Variants in SH3RF3 observed in about 807,000 individuals in gnomAD.
SH3RF3 encodes the protein E3 ubiquitin-protein ligase SH3RF3.
A neutral mutation model predicts 66.3 loss-of-function variants in SH3RF3; 29 were observed. The ratio of observed to expected loss-of-function variants is 0.44; its 90% CI spans 0.33 to 0.60. The LOEUF (loss-of-function observed/expected upper bound fraction) is 0.60. Ranked by LOEUF, SH3RF3 falls within the 20% of genes least tolerant of loss-of-function variation. The pLI, the probability that SH3RF3 is intolerant of heterozygous loss-of-function variation, is 0.04. For missense variants in SH3RF3, 1,194 were observed against 1,190.9 expected (o/e 1.00, Z -0.04); for synonymous variants, 583 against 532.0 (o/e 1.10, Z -1.32).
chr2:109,236,345 A>T (rs1460993792), intron 1 of SH3RF3, among the ~76,000 whole-genome samples: 1 of 152,116 alleles, frequency 6.6e-6, no homozygotes. Flanking sequence ...GTGCCTCCAG[A>T]GTGTGCGAGC....
Position 109,230,214 on chromosome 2 carries a change from C to T in SH3RF3, c.573+100101C>T, listed in dbSNP as rs115426719. On this transcript the variant is annotated intron_variant, in intron 1 of 9. Transcript: ENST00000309415. The stretch of plus-strand genomic sequence containing the variant: ...CCATTCAAATACGGACATTCCTCAA[C>T]TTGGGATGGTTTGACTTTAGAGTTT... Among the ~76,000 whole-genome samples the T allele has an allele frequency of 1.0e-2, 1,520 of 152,016 alleles. 11 individuals carry two copies. Among genetic ancestry groups the T allele is most frequent in the South Asian group, 0.024 (116 of 4,798 alleles).
Position 109,447,615 on chromosome 2 carries a change from G to C in SH3RF3, c.1829-1555G>C, listed in dbSNP as rs112653708. Among the ~76,000 whole-genome samples the C allele has an allele frequency of 6.4e-3, 978 of 152,184 alleles. 10 individuals carry two copies. The highest frequency in any genetic ancestry group is 0.022 in the African/African-American group (931 of 41,518). Reference sequence around the variant, plus strand: ...AAAGCAGTGTCTGATGCTCAGCCCAGGTCTCCACTTGGGCCAGAACAACCC... The same window carrying C: ...AAAGCAGTGTCTGATGCTCAGCCCACGTCTCCACTTGGGCCAGAACAACCC... On this transcript the variant is annotated intron_variant, in intron 7 of 9. Coordinates refer to ENST00000309415, the MANE Select transcript of SH3RF3 (RefSeq NM_001099289.3).
intron 9 of SH3RF3, among the ~76,000 whole-genome samples, chr2:109,496,257 A>G (rs1184940517): frequency 6.6e-6 from 1 of 152,014 alleles, no homozygotes; most frequent in African/African-American, 2.4e-5. Flanking sequence ...TAATTGCTGC[A>G]TTTTATAATC....
At chr2:109,288,663 C>T (rs1442661921) in intron 1 of SH3RF3, among the ~76,000 whole-genome samples, 1 of 152,186 alleles carries the variant, frequency 6.6e-6, no homozygotes, top group African/African-American at 2.4e-5. Context: ...TCTTTTCACT[C>T]AATTACGTTT....
rs564377437 is a variant in SH3RF3 at position 109,215,201 on chromosome 2, C to A, written c.573+85088C>A. On this transcript the variant is annotated intron_variant, in intron 1 of 9. Transcript: ENST00000309415. ...CAATTATGGAATAAGAAGTCTGTAA[C>A]CTCCCCTCATGGTCCCTGCCCCCTT... Among the ~76,000 whole-genome samples, 14 of 152,240 alleles carry A rather than the reference C, an allele frequency of 9.2e-5. 1 individual carries two copies. The South Asian group carries it at 2.9e-3, about 32-fold the overall frequency.
chr2:109,263,828 C>T (rs1680415087), intron 1 of SH3RF3, among the ~76,000 whole-genome samples: 1 of 152,156 alleles, frequency 6.6e-6, no homozygotes, highest in South Asian at 2.1e-4. Context: ...ATTAGCTGGG[C>T]ATGGTGGCGG....
intron 1 of SH3RF3, among the ~76,000 whole-genome samples, chr2:109,210,288 G>C (rs1476567265): frequency 6.6e-6 from 1 of 152,216 alleles, no homozygotes; most frequent in African/African-American, 2.4e-5. Context: ...ATCTGTTTGA[G>C]TCCTTGCTTT....
At chr2:109,143,187 GC>G (rs1676999416) in intron 1 of SH3RF3, among the ~76,000 whole-genome samples, 2 of 152,250 alleles carry the variant, frequency 1.3e-5, no homozygotes, top group Admixed American at 1.3e-4. Context: ...GTCAAGTGGT[GC>G]ATATAGAAAA....
intron 1 of SH3RF3, among the ~76,000 whole-genome samples, chr2:109,269,738 C>G (rs914255295): frequency 2.0e-5 from 3 of 152,212 alleles, no homozygotes; most frequent in African/African-American, 7.2e-5. Context: ...GAGATCGTGC[C>G]ACTGCACTCC....
chr2:109,471,235 A>G (rs1433753486), intron 8 of SH3RF3, among the ~76,000 whole-genome samples: 1 of 151,296 alleles, frequency 6.6e-6, no homozygotes, highest in Non-Finnish European at 1.5e-5. Context: ...AAAAAAAGAA[A>G]TTAATACCTG....
At chr2:109,261,923 T>C (rs1036745888) in intron 1 of SH3RF3, among the ~76,000 whole-genome samples, 2 of 152,116 alleles carry the variant, frequency 1.3e-5, no homozygotes, top group African/African-American at 4.8e-5. Flanking sequence ...CAGTGTGGTG[T>C]GTATTAAGAT....
At chr2:109,297,770 A>T (rs1201620047) in intron 1 of SH3RF3, among the ~76,000 whole-genome samples, 3 of 140,912 alleles carry the variant, frequency 2.1e-5, no homozygotes, top group Admixed American at 7.1e-5. Flanking sequence ...AGTGCCTCCC[A>T]CTCAGTCATT....
intron 1 of SH3RF3, among the ~76,000 whole-genome samples, chr2:109,267,380 G>A (rs1175263083): frequency 6.6e-6 from 1 of 152,206 alleles, no homozygotes; most frequent in Non-Finnish European, 1.5e-5. Context: ...TGTGCGCTTT[G>A]TACAAGTGCT....
chr2:109,134,261 C>G (rs1445480762), intron 1 of SH3RF3, among the ~76,000 whole-genome samples: 1 of 152,194 alleles, frequency 6.6e-6, no homozygotes, highest in East Asian at 1.9e-4. Flanking sequence ...CTCCGCCCTT[C>G]TGTCCAGTTT....
chr2:109,245,050 C>T (rs573054434), intron 1 of SH3RF3, among the ~76,000 whole-genome samples: 1 of 152,144 alleles, frequency 6.6e-6, no homozygotes, highest in Non-Finnish European at 1.5e-5. Context: ...GTCCTGTTGT[C>T]TGGGCAGCCT....
At chr2:109,214,771 AC>A (rs1409708169) in intron 1 of SH3RF3, among the ~76,000 whole-genome samples, 1 of 152,126 alleles carries the variant, frequency 6.6e-6, no homozygotes, top group Non-Finnish European at 1.5e-5. Context: ...CTGTGGCTTC[AC>A]CCCTCTGGAC....
chr2:109,387,242 C>T (rs1382229623), intron 3 of SH3RF3, among the ~76,000 whole-genome samples: 1 of 152,212 alleles, frequency 6.6e-6, no homozygotes, highest in South Asian at 2.1e-4. Flanking sequence ...ATTCTCATAA[C>T]ATGATTGCAG....
intron 1 of SH3RF3, among the ~76,000 whole-genome samples, chr2:109,189,550 G>A (rs1678290302): frequency 1.3e-5 from 2 of 151,824 alleles, no homozygotes; most frequent in Non-Finnish European, 2.9e-5. Flanking sequence ...TGTATTTTTA[G>A]TAGAAGCGGG....
At chr2:109,210,934 C>G (rs538945292) in intron 1 of SH3RF3, among the ~76,000 whole-genome samples, 1 of 152,226 alleles carries the variant, frequency 6.6e-6, no homozygotes, top group Non-Finnish European at 1.5e-5. Context: ...GCTGTCCTTT[C>G]CTGTCAGAGC....
Sources: allele counts gnomAD v4.1 joint callset (sites outside exome capture counted in the v4.1 genomes callset), GRCh38; gene constraint gnomAD v4.1.1; transcripts MANE v1.5; gene names NCBI Gene and HGNC (gene_info 2026-07-23, HGNC 2026-07-21).